ACSL5: variants seen among roughly 807,000 people sequenced by gnomAD.
The protein encoded by ACSL5 is acyl-CoA synthetase long chain family member 5, also known as long-chain-fatty-acid--CoA ligase 5.
ACSL5 carries 50 observed loss-of-function variants against 84.9 expected under a neutral mutation model. That is an observed-to-expected ratio of 0.59 (90% CI 0.47 to 0.75). The LOEUF (loss-of-function observed/expected upper bound fraction) is 0.75, where lower values mean the gene tolerates loss of function less well. ACSL5 is among the 30% of genes least tolerant of loss of function. The pLI is 0.00. For missense variants in ACSL5, 775 were observed against 830.4 expected (o/e 0.93, Z 0.82); for synonymous variants, 280 against 300.7 (o/e 0.93, Z 0.71).
chr10:112,401,860 CTTTCTTTCTTTTTCTTTCTTTCCTT>C (rs1843917393), intron 3 of ACSL5, among the ~76,000 whole-genome samples: 2 of 130,416 alleles, frequency 1.5e-5, no homozygotes, highest in Non-Finnish European at 3.4e-5. Context: ...TCCTTCCTTT[CTTTCTTTCTTTTTCTTTCTTTCCTT>C]CTTTCTTTCT....
intron 1 of ACSL5, among the ~76,000 whole-genome samples, chr10:112,382,028 C>G (rs1205034915): frequency 2.0e-5 from 3 of 152,216 alleles, no homozygotes; most frequent in Non-Finnish European, 4.4e-5. Context: ...GCACTGGTCT[C>G]AAAAGCATCA....
Position 112,426,800 on chromosome 10 carries a change from G to C in ACSL5, c.1852G>C (p.Ala618Pro), listed in dbSNP as rs192380893. The C allele has an allele frequency of 1.2e-5, 19 of 1,614,000 alleles. No individual in the cohort carries two copies. The highest frequency in any genetic ancestry group is 2.7e-5 in the African/African-American group (2 of 75,056). ...TTTGTATTCTTAGGTTGTAAGGGAA[G>C]CCATTTTAGAAGACTTGCAGAAAAT... ...ELCQNQVVRE[A>P]ILEDLQKIGK... The change falls in exon 20 of 21, where the codon GCC becomes CCC. Residue 618 changes from alanine to proline, a missense_variant. Ala to Pro is a conservative substitution (Grantham distance 27). Coordinates refer to ENST00000354655, the MANE Select transcript of ACSL5 (RefSeq NM_203379.2).
rs539348408 is a variant in ACSL5, at chr10:112,387,899, G to A, written c.-29-7019G>A. Reference sequence around the variant, plus strand: ...GCACAAAAAAATAATAGTTCTCCAGGCCTAAAAGCAAAGGTAACAGAATGA... The same window carrying A: ...GCACAAAAAAATAATAGTTCTCCAGACCTAAAAGCAAAGGTAACAGAATGA... On this transcript the variant is annotated intron_variant, in intron 1 of 20. Transcript: ENST00000354655. Among the ~76,000 whole-genome samples the A allele has an allele frequency of 1.7e-4, 25 of 150,370 alleles. No homozygotes were observed. In the South Asian group the frequency reaches 5.2e-3, roughly 32 times the overall value.
intron 5 of ACSL5, among the ~76,000 whole-genome samples, chr10:112,405,886 AT>A (rs554241782): frequency 2.0e-3 from 312 of 152,350 alleles, no homozygotes; most frequent in Non-Finnish European, 3.3e-3. Flanking sequence ...TATACTATTC[AT>A]TAGGTGGAAG....
chr10:112,426,691 T>C, intron 19 of ACSL5, 97 bp from the exon 20 acceptor site: 1 of 1,057,952 alleles, frequency 9.5e-7, no homozygotes. Flanking sequence ...CCTGCTTTCA[T>C]ACTGCATGGC....
rs1361097368 is a variant in ACSL5 at position 112,411,508 on chromosome 10, T to G, written c.849T>G (p.Ala283=). The change falls in exon 10 of 21, where the codon GCT becomes GCG. Residue 283 remains alanine, a synonymous_variant. Transcript: ENST00000354655. ...ATCAAAATATTGTTTCAAATGCTGC[T>G]GCCTTTCTCAAATGTGTGGAGGTCA... ...ITHQNIVSNA[A]AFLKCVEHAY... The G allele has an allele frequency of 6.2e-7, 1 of 1,613,854 alleles. No individual in the cohort carries two copies. The highest frequency in any genetic ancestry group is 2.2e-5 in the East Asian group (1 of 44,900).
At chr10:112,408,704 G>A in intron 6 of ACSL5, 183 bp downstream of exon 6, 1 of 553,656 alleles carries the variant, frequency 1.8e-6, no homozygotes, top group Non-Finnish European at 3.3e-6. Context: ...GCTACAAAAA[G>A]CCCATGAAGC....
Position 112,409,644 on chromosome 10 carries a change from G to T in ACSL5, c.670G>T (p.Glu224Ter). ...PFDDDLKQRG[E>*]KSGIEILSLY... Reference sequence around the variant, plus strand: ...TGATGATGACCTGAAGCAAAGAGGGGAGAAGAGTGGAATTGAGATCTTATC... The same window carrying T: ...TGATGATGACCTGAAGCAAAGAGGGTAGAAGAGTGGAATTGAGATCTTATC... Residue 224 changes from glutamate (E) to a stop codon, truncating the protein, a stop_gained, in exon 7 of 21, where the codon GAG becomes TAG. Transcript: ENST00000354655. LOFTEE classifies it high-confidence loss of function. 6.2e-7 allele frequency: 1 copy of T among 1,614,196 alleles called. No homozygotes were observed. The highest frequency in any genetic ancestry group is 8.5e-7 in the Non-Finnish European group (1 of 1,180,018).
chr10:112,383,918 C>T (rs763993572), intron 1 of ACSL5, among the ~76,000 whole-genome samples: 19 of 152,138 alleles, frequency 1.2e-4, no homozygotes, highest in African/African-American at 4.1e-4. Flanking sequence ...ATCCACCAGG[C>T]GCGGTGGTTC....
intron 6 of ACSL5, 107 bp from the exon 7 acceptor site, chr10:112,409,400 T>G (rs898295432): frequency 1.1e-6 from 1 of 926,948 alleles, no homozygotes; most frequent in African/African-American, 1.6e-5. Flanking sequence ...TAATCTCCTT[T>G]GGACACCTGT....
chr10:112,384,963 AC>A (rs1849421602), intron 1 of ACSL5, among the ~76,000 whole-genome samples: 1 of 152,168 alleles, frequency 6.6e-6, no homozygotes. Context: ...TCATATCATT[AC>A]CTACAGATCG....
At chr10:112,378,711 G>A (rs1240108974) in intron 1 of ACSL5, among the ~76,000 whole-genome samples, 1 of 152,156 alleles carries the variant, frequency 6.6e-6, no homozygotes, top group Non-Finnish European at 1.5e-5. Flanking sequence ...CAGCAGCCAT[G>A]AGTCCAGCCA....
intron 12 of ACSL5, among the ~76,000 whole-genome samples, chr10:112,413,774 T>A (rs2133638809): frequency 6.6e-6 from 1 of 152,048 alleles, no homozygotes; most frequent in East Asian, 1.9e-4. Flanking sequence ...ATAAGTGCAA[T>A]CCCCTTTTCC....
intron 1 of ACSL5, among the ~76,000 whole-genome samples, chr10:112,392,740 CAA>C (rs566503761): frequency 8.5e-5 from 10 of 117,032 alleles, no homozygotes; most frequent in African/African-American, 1.4e-4. Flanking sequence ...GATTCTGTCT[CAA>C]AAAAAAAAAA....
intron 2 of ACSL5, chr10:112,396,304 T>G (rs1341905699): frequency 1.3e-5 from 2 of 152,228 alleles, no homozygotes; most frequent in African/African-American, 4.8e-5. Context: ...TTGATTCCTC[T>G]GCAGCAGGGG....
chr10:112,415,121 C>T (rs1055118688), intron 12 of ACSL5, among the ~76,000 whole-genome samples: 6 of 152,108 alleles, frequency 3.9e-5, no homozygotes, highest in African/African-American at 2.4e-5. Context: ...TGTTGTTGTA[C>T]ATTTTTTATT....
chr10:112,380,636 C>G (rs536217050), intron 1 of ACSL5, among the ~76,000 whole-genome samples: 28 of 152,148 alleles, frequency 1.8e-4, no homozygotes, highest in Admixed American at 1.1e-3. Context: ...TGATTGGTCT[C>G]TCCGTGAAGA....
In ACSL5 at chr10:112,413,311, C is replaced by CGT; in HGVS notation, c.1083+4_1083+5insGT. ...CCTTAACAGGATCTACGATAAGGTA[C>CGT]TAACTTTCAGCTGAAGGGACTGTCT... On this transcript the variant is annotated splice_donor_region_variant and intron_variant, in intron 12 of 20. Transcript: ENST00000354655. The CGT allele has an allele frequency of 6.2e-7, 1 of 1,613,978 alleles. No individual in the cohort carries two copies. Among genetic ancestry groups the CGT allele is most frequent in the South Asian group, 1.1e-5 (1 of 91,080 alleles).
intron 14 of ACSL5, chr10:112,418,997 C>G (rs1269349224): frequency 6.6e-6 from 1 of 152,122 alleles, no homozygotes; most frequent in Non-Finnish European, 1.5e-5. Context: ...TATTAATGGA[C>G]ACTTGAGTTG....
Sources: allele counts gnomAD v4.1 joint callset (sites outside exome capture counted in the v4.1 genomes callset), GRCh38; gene constraint gnomAD v4.1.1; transcripts MANE v1.5; gene names NCBI Gene and HGNC (gene_info 2026-07-23, HGNC 2026-07-21).